Variants in COL6A6 observed in about 807,000 individuals in gnomAD.
COL6A6 encodes the protein collagen type VI alpha 6 chain, also known as collagen alpha-6(VI) chain.
A neutral mutation model predicts 208.6 loss-of-function variants in COL6A6; 183 were observed. The ratio of observed to expected loss-of-function variants is 0.88; its 90% CI spans 0.78 to 0.99. COL6A6 has a LOEUF of 0.99. Among genes scored for constraint, COL6A6 ranks in the 50% least tolerant of loss-of-function variants. The probability of loss-of-function intolerance (pLI) is 0.00; values close to 1 mark genes in which losing one functional copy is unlikely to be tolerated. For synonymous variants in COL6A6, 973 were observed against 1,011.8 expected, an observed-to-expected ratio of 0.96 and a Z score of 0.73; for missense variants, 2,816 against 2,815.2, an observed-to-expected ratio of 1.00 and a Z score of -0.01.
chr3:130,672,032 G>GGGCA (rs1330940617), intron 36 of COL6A6, among the ~76,000 whole-genome samples: 3 of 152,198 alleles, frequency 2.0e-5, no homozygotes, highest in African/African-American at 7.2e-5. Context: ...TTATAATTCT[G>GGGCA]CTTTCCAAAG....
At chr3:130,542,898 CTTTTTTTTTT>C (rs56339748) in intron 1 of COL6A6, among the ~76,000 whole-genome samples, 7 of 92,614 alleles carry the variant, frequency 7.6e-5, no homozygotes, top group African/African-American at 2.5e-4. Flanking sequence ...TCCATTCACT[CTTTTTTTTTT>C]TTTTTTTTTT....
intron 18 of COL6A6, among the ~76,000 whole-genome samples, chr3:130,597,177 TC>T (rs913132716): frequency 5.9e-5 from 9 of 152,206 alleles, no homozygotes; most frequent in African/African-American, 2.2e-4. Flanking sequence ...CCCTGCTTTT[TC>T]CACCAAAATA....
rs760016333 is a variant in COL6A6 at position 130,572,501 on chromosome 3, C to T, written c.2977+1108C>T. Among the ~76,000 whole-genome samples, 17 of 152,260 alleles carry T rather than the reference C, an allele frequency of 1.1e-4. 1 individual carries two copies. The South Asian group carries it at 3.5e-3, about 32-fold the overall frequency. On this transcript the variant is annotated intron_variant, in intron 7 of 36. Transcript: ENST00000358511. ...AACTCATCTAACTTCTCTGGTTTTCCTAAGCCTTGCCTCCTTAGAATGCAG... is the reference window on the plus strand; with the variant it reads ...AACTCATCTAACTTCTCTGGTTTTCTTAAGCCTTGCCTCCTTAGAATGCAG...
intron 1 of COL6A6, among the ~76,000 whole-genome samples, chr3:130,518,955 T>C (rs34297849): frequency 0.056 from 8,532 of 152,304 alleles, 346 homozygotes; most frequent in Middle Eastern, 0.12. Flanking sequence ...TGGAGAATCA[T>C]CTTTGGCTTT....
In COL6A6 at chr3:130,547,861, C is replaced by T. The variant is rs555639538; in HGVS notation, c.-31-12473C>T. Among the ~76,000 whole-genome samples the T allele has an allele frequency of 1.8e-4, 28 of 152,244 alleles. No individual in the cohort carries two copies. The South Asian group carries it at 2.3e-3, about 12-fold the overall frequency. On this transcript the variant is annotated intron_variant, in intron 1 of 36. Transcript: ENST00000358511. The stretch of plus-strand genomic sequence containing the variant: ...CACCCAGGCTGGAGGGCAGCGGTGC[C>T]GTCTCGGCTCGCTGCAACCTTCGCC...
In COL6A6 at chr3:130,571,146, G is replaced by T. The variant is rs1470407680; in HGVS notation, c.2730G>T (p.Gly910=). The T allele has an allele frequency of 1.9e-6, 3 of 1,613,626 alleles. No individual in the cohort carries two copies. Among genetic ancestry groups the T allele is most frequent in the Non-Finnish European group, 1.7e-6 (2 of 1,179,652 alleles). Residue 910 remains glycine, a synonymous_variant, in exon 7 of 37, where the codon GGG becomes GGT. Transcript: ENST00000358511. ...CCCGGGGCAGCCGCCTGAACAAGGG[G>T]GTCCCCCAAGTCCTCATTGTGATCA... The part of the protein sequence containing the change: ...TEARGSRLNK[G]VPQVLIVITD...
At chr3:130,556,872 G>A (rs73868906) in intron 1 of COL6A6, among the ~76,000 whole-genome samples, 4,990 of 152,248 alleles carry the variant, frequency 0.033, 293 homozygotes, top group African/African-American at 0.11. Context: ...CCCACAGAGG[G>A]CCTGCCATAG....
chr3:130,520,700 A>C (rs1244765535), intron 1 of COL6A6, among the ~76,000 whole-genome samples: 1 of 152,198 alleles, frequency 6.6e-6, no homozygotes. Flanking sequence ...AATAACATGC[A>C]AAATCTCAGG....
intron 24 of COL6A6, among the ~76,000 whole-genome samples, chr3:130,625,727 A>G (rs2064866016): frequency 6.6e-6 from 1 of 152,200 alleles, no homozygotes; most frequent in Non-Finnish European, 1.5e-5. Context: ...GGAAAGGAAT[A>G]TCAGGTTAAA....
intron 1 of COL6A6, among the ~76,000 whole-genome samples, chr3:130,538,109 T>C (rs1194862339): frequency 6.6e-6 from 1 of 152,218 alleles, no homozygotes; most frequent in Non-Finnish European, 1.5e-5. Context: ...CAATATGATA[T>C]AGTGGAAAAA....
At chr3:130,644,223 G>T (rs1038868059) in intron 31 of COL6A6, among the ~76,000 whole-genome samples, 1 of 152,208 alleles carries the variant, frequency 6.6e-6, no homozygotes, top group Non-Finnish European at 1.5e-5. Context: ...TAGGGTTCCT[G>T]CCAGGAAAGG....
At chr3:130,628,640 A>G (rs1208385546) in intron 26 of COL6A6, among the ~76,000 whole-genome samples, 1 of 152,188 alleles carries the variant, frequency 6.6e-6, no homozygotes, top group African/African-American at 2.4e-5. Context: ...TGAACAAAGT[A>G]AGGTAAACAG....
At chr3:130,634,649 AGAGAT>A in intron 27 of COL6A6, 24 bp downstream of exon 27, 3 of 1,583,586 alleles carry the variant, frequency 1.9e-6, no homozygotes, top group Non-Finnish European at 2.6e-6. Context: ...CCTAGTAACT[AGAGAT>A]CAGTCAGAAA....
At chr3:130,614,070 T>C (rs1294899092) in intron 23 of COL6A6, among the ~76,000 whole-genome samples, 2 of 152,264 alleles carry the variant, frequency 1.3e-5, no homozygotes, top group East Asian at 3.9e-4. Flanking sequence ...GGATTGGTGA[T>C]AGAGGGCATC....
intron 1 of COL6A6, among the ~76,000 whole-genome samples, chr3:130,521,952 T>C (rs557709793): frequency 6.6e-6 from 1 of 152,310 alleles, no homozygotes; most frequent in African/African-American, 2.4e-5. Flanking sequence ...TCTGTCTCAC[T>C]TCTCCACTCC....
At chr3:130,594,909 C>T (rs544690462) in intron 18 of COL6A6, among the ~76,000 whole-genome samples, 23 of 152,234 alleles carry the variant, frequency 1.5e-4, no homozygotes, top group African/African-American at 5.3e-4. Context: ...ATGAGACTTA[C>T]TCACTACCAC....
In COL6A6 at chr3:130,532,897, TC is replaced by T. The variant is rs558079992; in HGVS notation, c.-32+15501del. ...AGCTGGTTAGGCATCTCTCCTGACC[TC>T]TTCACAAAGCCTCTCCATGGAGCTA... On this transcript the variant is annotated intron_variant, in intron 1 of 36. Coordinates refer to ENST00000358511, the MANE Select transcript of COL6A6 (RefSeq NM_001102608.3). 1.8e-3 allele frequency among the ~76,000 whole-genome samples: 279 copies of T among 152,234 alleles called. 1 individual carries two copies. The highest frequency in any genetic ancestry group is 6.3e-3 in the African/African-American group (261 of 41,548).
intron 23 of COL6A6, among the ~76,000 whole-genome samples, chr3:130,619,900 G>A (rs950544271): frequency 3.9e-5 from 6 of 152,092 alleles, no homozygotes; most frequent in African/African-American, 1.4e-4. Context: ...TGATTGTTTT[G>A]AGAATCCATT....
At chr3:130,578,117 C>T (rs114594629) in intron 8 of COL6A6, among the ~76,000 whole-genome samples, 2 of 152,198 alleles carry the variant, frequency 1.3e-5, no homozygotes, top group Non-Finnish European at 2.9e-5. Context: ...GGAGGTTCTG[C>T]CTGTTTTTTT....
Sources: gnomAD v4.1 joint callset for allele counts (sites outside exome capture counted in the v4.1 genomes callset) on GRCh38, gnomAD v4.1.1 for gene constraint, MANE v1.5 for transcripts, NCBI Gene and HGNC (gene_info 2026-07-23, HGNC 2026-07-21) for gene names.